Variants in ATR observed in about 807,000 individuals in gnomAD.
The protein encoded by ATR is ATR checkpoint kinase.
In ATR, 142 loss-of-function variants were observed where a neutral mutation model predicts 305.3. That is an observed-to-expected ratio of 0.47 (90% confidence interval 0.41 to 0.53). The LOEUF is 0.53. ATR is among the 20% of genes least tolerant of loss of function. The pLI is 0.00. For synonymous variants in ATR, 1,050 were observed against 1,068.1 expected (o/e 0.98, Z 0.33); for missense variants, 2,135 against 3,133.1 (o/e 0.68, Z 7.60).
At chr3:142,526,525 T>C (rs2033396904) in intron 21 of ATR, among the ~76,000 whole-genome samples, 2 of 151,988 alleles carry the variant, frequency 1.3e-5, no homozygotes, top group East Asian at 1.9e-4. Context: ...TGTATATATA[T>C]ACATAGTACA....
chr3:142,578,663 G>C lies in ATR; in HGVS notation c.42C>G (p.Ala14=), dbSNP rs2108512641. ...AGCCCTACCTGCCCAGCTCCCGCAG[G>C]GCGGGGATCATGGAAGCCAGCTCCA... The part of the protein sequence containing the change: ...HGLELASMIP[A]LRELGSATPE... The change falls in exon 1 of 47, where the codon GCC becomes GCG. Residue 14 remains alanine, a synonymous_variant. Transcript: ENST00000350721. The C allele has an allele frequency of 6.2e-7, 1 of 1,613,238 alleles. No individual in the cohort carries two copies.
At chr3:142,545,549 T>C (rs1431414630) in intron 16 of ATR, among the ~76,000 whole-genome samples, 2 of 152,246 alleles carry the variant, frequency 1.3e-5, no homozygotes, top group African/African-American at 4.8e-5. Context: ...TTAAGGGCAA[T>C]GAAAACCATT....
chr3:142,547,899 T>A lies in ATR; in HGVS notation c.3183A>T (p.Glu1061Asp). 6.2e-7 allele frequency: 1 copy of A among 1,613,934 alleles called. No individual in the cohort carries two copies. The highest frequency in any genetic ancestry group is 8.5e-7 in the Non-Finnish European group (1 of 1,179,912). Residue 1061 changes from glutamate (E) to aspartate (D), a missense_variant, in exon 16 of 47, where the codon GAA becomes GAT. Coordinates refer to ENST00000350721, the MANE Select transcript of ATR (RefSeq NM_001184.4). ...GTCTCAACAGGCTCCCCAGTTCAAT[T>A]TCTGTTTCATTCTAACCCAAAGACA... is the stretch of plus-strand genomic sequence containing the variant. ...RALHYLKNET[E>D]IELGSLLRQD...
Position 142,485,208 on chromosome 3 carries a change from G to C in ATR, c.6153C>G (p.Pro2051=), listed in dbSNP as rs572825540. 6.2e-7 allele frequency: 1 copy of C among 1,614,076 alleles called. No individual in the cohort carries two copies. Among genetic ancestry groups the C allele is most frequent in the Non-Finnish European group, 8.5e-7 (1 of 1,179,992 alleles). The change falls in exon 36 of 47, where the codon CCC becomes CCG. Residue 2051 remains proline (P), a synonymous_variant. Transcript: ENST00000350721. The part of the protein sequence containing the change: ...YLAKYYDKLM[P]MVTDNKMEKQ... Reference sequence around the variant, plus strand: ...TTTCCATTTTGTTGTCTGTGACCATGGGCATCAATTTGTCATAGTACTTGG... The same window carrying C: ...TTTCCATTTTGTTGTCTGTGACCATCGGCATCAATTTGTCATAGTACTTGG...
chr3:142,452,859 C>G, intron 46 of ATR: 1 of 1,287,924 alleles, frequency 7.8e-7, no homozygotes. Context: ...ATAGTTTTTC[C>G]TACTGTATCT....
Position 142,555,974 on chromosome 3 carries a change from A to C in ATR, c.2244T>G (p.Thr748=). Residue 748 remains threonine (T), a synonymous_variant, in exon 10 of 47, where the codon ACT becomes ACG. Coordinates refer to ENST00000350721, the MANE Select transcript of ATR (RefSeq NM_001184.4). ...VDLFCRNLKA[T]SQHECSSSQL... is the part of the protein sequence containing the mutation. Reference sequence around the variant, plus strand: ...GAGAAGATGAACATTCATGTTGAGAAGTGGCTTTCAAGTTCCTACAGAAGA... The same window carrying C: ...GAGAAGATGAACATTCATGTTGAGACGTGGCTTTCAAGTTCCTACAGAAGA... The C allele has an allele frequency of 2.5e-6, 4 of 1,614,028 alleles. No individual in the cohort carries two copies. Among genetic ancestry groups the C allele is most frequent in the Non-Finnish European group, 3.4e-6 (4 of 1,179,956 alleles).
intron 46 of ATR, chr3:142,452,190 G>C: frequency 2.0e-6 from 2 of 1,001,378 alleles, no homozygotes; most frequent in Non-Finnish European, 2.4e-6. Flanking sequence ...AGCCTTCCTC[G>C]AGCTATATCA....
At chr3:142,578,593 C>A in intron 1 of ATR, 53 bp downstream of exon 1, 1 of 1,580,244 alleles carries the variant, frequency 6.3e-7, no homozygotes, top group Non-Finnish European at 8.6e-7. Context: ...ACGTGAAACC[C>A]AAGCCGGAAT....
chr3:142,518,037 C>A (rs2032941583), intron 24 of ATR, among the ~76,000 whole-genome samples: 1 of 152,120 alleles, frequency 6.6e-6, no homozygotes, highest in Admixed American at 6.5e-5. Context: ...TCAGAGCTAG[C>A]AAATGCAAAG....
At chr3:142,576,086 A>T (rs773762910) in intron 1 of ATR, among the ~76,000 whole-genome samples, 9 of 152,214 alleles carry the variant, frequency 5.9e-5, no homozygotes, top group Non-Finnish European at 1.2e-4. Flanking sequence ...TAGTTCAGGT[A>T]AGAAATTCTG....
intron 36 of ATR, among the ~76,000 whole-genome samples, chr3:142,484,360 C>A (rs2030764693): frequency 6.6e-6 from 1 of 152,110 alleles, no homozygotes; most frequent in Non-Finnish European, 1.5e-5. Flanking sequence ...ATTAAAAACC[C>A]CACAGGACAG....
At chr3:142,458,017 A>G (rs530056908) in intron 44 of ATR, among the ~76,000 whole-genome samples, 1 of 152,350 alleles carries the variant, frequency 6.6e-6, no homozygotes, top group African/African-American at 2.4e-5. Context: ...ACAGTGAATA[A>G]GCAGTATTAC....
intron 35 of ATR, among the ~76,000 whole-genome samples, 171 bp downstream of exon 35, chr3:142,492,961 G>A (rs1291136156): frequency 6.6e-6 from 1 of 152,018 alleles, no homozygotes; most frequent in African/African-American, 2.4e-5. Flanking sequence ...TTCTTGATGT[G>A]GTGGCAGTTT....
chr3:142,492,081 T>A (rs1438569397), intron 35 of ATR, among the ~76,000 whole-genome samples: 5 of 152,228 alleles, frequency 3.3e-5, no homozygotes. Context: ...GGCTTTGATC[T>A]GGCAGGCAGT....
intron 21 of ATR, among the ~76,000 whole-genome samples, chr3:142,531,533 G>T (rs1280937623): frequency 2.6e-5 from 4 of 151,998 alleles, no homozygotes; most frequent in Non-Finnish European, 4.4e-5. Flanking sequence ...GAAATAGTTT[G>T]CTGAGAATGA....
chr3:142,509,934 G>T (rs75632381), intron 27 of ATR, among the ~76,000 whole-genome samples: 2,721 of 152,092 alleles, frequency 0.018, 30 homozygotes, highest in South Asian at 0.041. Flanking sequence ...TGGGCAGTGT[G>T]GTGAAACCCT....
intron 4 of ATR, 61 bp from the exon 5 acceptor site, chr3:142,561,482 T>C (rs2034877142): frequency 1.3e-6 from 2 of 1,496,232 alleles, no homozygotes; most frequent in African/African-American, 1.4e-5. Context: ...ATATTATTCA[T>C]AGGCAGCAAG....
chr3:142,465,818 A>G (rs1334486701), intron 40 of ATR: 4 of 172,790 alleles, frequency 2.3e-5, no homozygotes, highest in Admixed American at 5.7e-5. Context: ...TAGCCTGGGC[A>G]ACATGACGAA....
rs1185090213 is a variant in ATR, at chr3:142,503,579, A to ATTC, written c.5197-127_5197-126insGAA. 4.4e-4 allele frequency: 195 copies of ATTC among 446,996 alleles called. 4 individuals carry two copies. In the Admixed American group the frequency reaches 6.1e-3, roughly 14 times the overall value. 27.7% of individuals were successfully genotyped at this position (446,996 alleles called of 1,614,324 possible). On this transcript the variant is annotated intron_variant, in intron 29 of 46. Transcript: ENST00000350721. ...TTATTGCCCTTATTTTTTTATTATT[A>ATTC]TTATTATTTTAATTTTTTGTAGAGA...
Sources: allele counts gnomAD v4.1 joint callset (sites outside exome capture counted in the v4.1 genomes callset), GRCh38; gene constraint gnomAD v4.1.1; transcripts MANE v1.5; gene names NCBI Gene and HGNC (gene_info 2026-07-23, HGNC 2026-07-21).